The following CDH2 variants were observed in gnomAD, a reference collection of about 807,000 sequenced individuals.
The protein encoded by CDH2 is cadherin 2.
Under a neutral mutation model 92.0 loss-of-function variants are expected in CDH2, and 17 were observed. The ratio of observed to expected loss-of-function variants is 0.18; its 90% CI spans 0.13 to 0.28. The LOEUF is 0.28. Ranked by LOEUF, CDH2 falls within the 10% of genes least tolerant of loss-of-function variation. The pLI, the probability that CDH2 is intolerant of heterozygous loss-of-function variation, is 1.00. For missense variants in CDH2, 862 were observed against 1,133.1 expected (o/e 0.76, Z 3.44); for synonymous variants, 419 against 415.9 (o/e 1.01, Z -0.09).
At chr18:28,021,876 A>AT (rs945503528) in intron 2 of CDH2, among the ~76,000 whole-genome samples, 1 of 151,936 alleles carries the variant, frequency 6.6e-6, no homozygotes, top group East Asian at 1.9e-4. Flanking sequence ...TTGACTTTTT[A>AT]TTTTTTTCCA....
intron 1 of CDH2, among the ~76,000 whole-genome samples, chr18:28,150,103 A>G (rs2144331667): frequency 6.6e-6 from 1 of 152,296 alleles, no homozygotes; most frequent in Non-Finnish European, 1.5e-5. Flanking sequence ...GCCATATAAA[A>G]TGGACAAATG....
intron 2 of CDH2, among the ~76,000 whole-genome samples, chr18:28,060,731 T>C (rs536210075): frequency 4.9e-4 from 74 of 152,326 alleles, no homozygotes; most frequent in African/African-American, 1.8e-3. Flanking sequence ...TCTTGTAAGA[T>C]AACATGATAT....
chr18:28,046,298 T>A (rs1183423225), intron 2 of CDH2, among the ~76,000 whole-genome samples: 1 of 152,186 alleles, frequency 6.6e-6, no homozygotes, highest in East Asian at 1.9e-4. Context: ...CATAACTTCC[T>A]TAGTAGGTAA....
At position 28,100,887 on chromosome 18, in the gene CDH2, A is replaced by G. The variant is rs558215827; in HGVS notation, c.172+46786T>C. Among the ~76,000 whole-genome samples, 4 of 152,338 alleles carry G rather than the reference A, an allele frequency of 2.6e-5. No homozygotes were observed. In the South Asian group the frequency reaches 6.2e-4, roughly 24 times the overall value. ...CAATGTGCACACTGCCCAACTCACT[A>G]GCTGAAACATTACATCTTCCTATCC... On this transcript the variant is annotated intron_variant, in intron 2 of 15. Coordinates refer to ENST00000269141, the MANE Select transcript of CDH2 (RefSeq NM_001792.5).
intron 2 of CDH2, among the ~76,000 whole-genome samples, chr18:28,066,076 G>A (rs907505409): frequency 1.3e-5 from 2 of 152,112 alleles, no homozygotes; most frequent in African/African-American, 4.8e-5. Flanking sequence ...CACATTCTAC[G>A]ACTTGCGTGT....
chr18:27,980,103 G>A (rs17498065), intron 14 of CDH2, among the ~76,000 whole-genome samples: 1 of 152,310 alleles, frequency 6.6e-6, no homozygotes, highest in East Asian at 1.9e-4. Flanking sequence ...ATCCCTGAAG[G>A]AAGAGTGAGA....
At position 28,003,099 on chromosome 18, in the gene CDH2, G is replaced by A; in HGVS notation, c.918C>T (p.Tyr306=). The change falls in exon 7 of 16, where the codon TAC becomes TAT. Residue 306 remains tyrosine, a synonymous_variant. Coordinates refer to ENST00000269141, the MANE Select transcript of CDH2 (RefSeq NM_001792.5). ...DPNALNGMLR[Y]RIVSQAPSTP... ...TGCTTGGAGCCTGAGACACGATTCT[G>A]TACCTCAACATCCCATTGAGGGCAT... 6.2e-7 allele frequency: 1 copy of A among 1,613,758 alleles called. No homozygotes were observed. Among genetic ancestry groups the A allele is most frequent in the Non-Finnish European group, 8.5e-7 (1 of 1,179,754 alleles).
chr18:27,963,527 A>G lies in CDH2; in HGVS notation c.2350-6T>C, dbSNP rs199552457. ...AGCTGGCTCAAGTCATAGTCCTGCA[A>G]AAAGACAAAATCAAAAACCGATGGG... On this transcript the variant is annotated splice_polypyrimidine_tract_variant and splice_region_variant and intron_variant, in intron 14 of 15. Transcript: ENST00000269141. The G allele has an allele frequency of 6.2e-7, 1 of 1,613,160 alleles. No homozygotes were observed. Among genetic ancestry groups the G allele is most frequent in the East Asian group, 2.2e-5 (1 of 44,864 alleles).
At chr18:28,004,483 G>A (rs1273247507) in intron 6 of CDH2, among the ~76,000 whole-genome samples, 1 of 152,142 alleles carries the variant, frequency 6.6e-6, no homozygotes, top group Non-Finnish European at 1.5e-5. Context: ...TCTAGCAATA[G>A]CTGACAGTCT....
At chr18:28,072,646 T>C (rs1195215693) in intron 2 of CDH2, among the ~76,000 whole-genome samples, 1 of 152,192 alleles carries the variant, frequency 6.6e-6, no homozygotes, top group Non-Finnish European at 1.5e-5. Context: ...AAAAACCAAC[T>C]AAAAATTTTC....
chr18:27,968,851 G>C (rs185174543), intron 14 of CDH2, among the ~76,000 whole-genome samples: 19 of 152,188 alleles, frequency 1.2e-4, no homozygotes, highest in Admixed American at 1.0e-3. Flanking sequence ...AAAATATCTG[G>C]AAAAAAGCTG....
chr18:27,933,806 T>C (rs2143826712), intron 6 of CDH2, among the ~76,000 whole-genome samples: 1 of 152,312 alleles, frequency 6.6e-6, no homozygotes, highest in South Asian at 2.1e-4. Context: ...TCAATGCATA[T>C]TTTCTAAGAA....
At chr18:27,950,265 GTGTACA>G (rs1350050995), downstream of CDH2, among the ~76,000 whole-genome samples, 1 of 152,096 alleles carries the variant, frequency 6.6e-6, no homozygotes, top group Non-Finnish European at 1.5e-5. Context: ...TGTTTTCAAT[GTGTACA>G]GTATAAGACT....
At chr18:28,103,376 GTATA>G (rs71266952) in intron 2 of CDH2, among the ~76,000 whole-genome samples, 1 of 141,392 alleles carries the variant, frequency 7.1e-6, no homozygotes, top group Non-Finnish European at 1.5e-5. Flanking sequence ...TATAAAGGAT[GTATA>G]TATATAAAGT....
At chr18:28,133,957 G>A (rs532023830) in intron 2 of CDH2, among the ~76,000 whole-genome samples, 132 of 152,134 alleles carry the variant, frequency 8.7e-4, no homozygotes, top group Non-Finnish European at 2.2e-4. Context: ...CCAGCAGTTT[G>A]AGACCAGCCT....
At chr18:28,108,731 T>C (rs2015361866) in intron 2 of CDH2, among the ~76,000 whole-genome samples, 1 of 152,038 alleles carries the variant, frequency 6.6e-6, no homozygotes, top group Non-Finnish European at 1.5e-5. Flanking sequence ...TACTAGCCAT[T>C]TCCTAAAGAT....
chr18:28,091,819 C>A (rs1033946514), intron 2 of CDH2, among the ~76,000 whole-genome samples: 1 of 152,074 alleles, frequency 6.6e-6, no homozygotes. Flanking sequence ...CATCCCCCCA[C>A]CCCACCACCG....
rs2012107177 is a variant in CDH2 at position 27,983,013 on chromosome 18, A to T, written c.2280T>A (p.Ile760=). Residue 760 remains isoleucine, a synonymous_variant, in exon 14 of 16, where the codon ATT becomes ATA. Coordinates refer to ENST00000269141, the MANE Select transcript of CDH2 (RefSeq NM_001792.5). ...TATCTCTTACATCATCTTCTGGATC[A>T]ATTAAAAGTTGTTTGGCCTGGCGTT... ...DKERQAKQLL[I]DPEDDVRDNI... is the part of the protein sequence containing the mutation. 1 of 1,611,402 alleles carries T rather than the reference A, an allele frequency of 6.2e-7. No homozygotes were observed. Among genetic ancestry groups the T allele is most frequent in the South Asian group, 1.1e-5 (1 of 90,950 alleles).
intron 2 of CDH2, among the ~76,000 whole-genome samples, chr18:28,030,641 G>A (rs1435472985): frequency 3.9e-5 from 6 of 152,084 alleles, no homozygotes; most frequent in Non-Finnish European, 5.9e-5. Context: ...AAAGGAACAT[G>A]AAGGTGACAG....
Sources: gnomAD v4.1 joint callset for allele counts (sites outside exome capture counted in the v4.1 genomes callset) on GRCh38, gnomAD v4.1.1 for gene constraint, MANE v1.5 for transcripts, NCBI Gene and HGNC (gene_info 2026-07-23, HGNC 2026-07-21) for gene names.